Variants in PDLIM5 observed in about 807,000 individuals in gnomAD.
PDLIM5 encodes the protein PDZ and LIM domain 5, also known as PDZ and LIM domain protein 5.
In PDLIM5, 34 loss-of-function variants were observed where a neutral mutation model predicts 64.2. The observed-to-expected ratio is 0.53, with a 90% CI of 0.40 to 0.71. The LOEUF (loss-of-function observed/expected upper bound fraction) is 0.71, where lower values mean the gene tolerates loss of function less well. PDLIM5 is among the 30% of genes least tolerant of loss of function. PDLIM5 has a pLI of 0.00. For synonymous variants in PDLIM5, 253 were observed against 269.1 expected (o/e 0.94, Z 0.59); for missense variants, 683 against 733.6 (o/e 0.93, Z 0.80).
chr4:94,615,883 C>T (rs977034502), intron 7 of PDLIM5, among the ~76,000 whole-genome samples: 6 of 152,156 alleles, frequency 3.9e-5, no homozygotes, highest in Non-Finnish European at 8.8e-5. Flanking sequence ...AGTGAATCTG[C>T]AGGTCAGACA....
chr4:94,537,183 T>C (rs138532704), intron 3 of PDLIM5, among the ~76,000 whole-genome samples: 50 of 152,314 alleles, frequency 3.3e-4, no homozygotes, highest in African/African-American at 1.2e-3. Flanking sequence ...AGGGTTCATT[T>C]CCACATCACA....
chr4:94,625,402 T>C (rs1268268094), intron 8 of PDLIM5, among the ~76,000 whole-genome samples: 2 of 152,122 alleles, frequency 1.3e-5, no homozygotes, highest in South Asian at 2.1e-4. Flanking sequence ...TTAGTTGATA[T>C]GATATTATGG....
At chr4:94,512,823 G>A (rs1163184660) in intron 2 of PDLIM5, among the ~76,000 whole-genome samples, 1 of 152,090 alleles carries the variant, frequency 6.6e-6, no homozygotes, top group Non-Finnish European at 1.5e-5. Flanking sequence ...CAATGTCCTG[G>A]AGAGTTTCTC....
At chr4:94,613,866 T>C (rs1232500737) in intron 7 of PDLIM5, among the ~76,000 whole-genome samples, 2 of 152,062 alleles carry the variant, frequency 1.3e-5, no homozygotes, top group Admixed American at 1.3e-4. Flanking sequence ...TGCTATACTA[T>C]ATTAATACAT....
chr4:94,559,737 T>A (rs1283238790), intron 3 of PDLIM5, among the ~76,000 whole-genome samples: 4 of 152,184 alleles, frequency 2.6e-5, no homozygotes, highest in African/African-American at 9.7e-5. Flanking sequence ...TTGGGTGTGG[T>A]CTATGAATGC....
At chr4:94,506,875 C>T (rs888981280) in intron 2 of PDLIM5, among the ~76,000 whole-genome samples, 2 of 152,108 alleles carry the variant, frequency 1.3e-5, no homozygotes, top group Non-Finnish European at 1.5e-5. Flanking sequence ...CTGCCAGCAC[C>T]GCTAGAACAA....
At position 94,540,132 on chromosome 4, in the gene PDLIM5, C is replaced by CTT. The variant is rs10606217; in HGVS notation, c.248+16272_248+16273dup. On this transcript the variant is annotated intron_variant, in intron 3 of 12. Coordinates refer to ENST00000317968, the MANE Select transcript of PDLIM5 (RefSeq NM_006457.5). ...GTGAGGCATAGATGCTACTATTCTT[C>CTT]TTTTTTTTTTTTTTTTGAGATGGAG... Among the ~76,000 whole-genome samples, 25 of 140,580 alleles carry CTT rather than the reference C, an allele frequency of 1.8e-4. 1 individual carries two copies. The South Asian group carries it at 4.3e-3, about 24-fold the overall frequency. The allele number at this position is 140,580 out of a possible 152,430, so 92.2% of individuals were successfully genotyped here. A position where few individuals can be genotyped will look rare whatever the true frequency, so the allele number is the denominator to read the frequency against.
chr4:94,517,294 C>T (rs1428054588), intron 2 of PDLIM5, among the ~76,000 whole-genome samples: 1 of 152,136 alleles, frequency 6.6e-6, no homozygotes, highest in Non-Finnish European at 1.5e-5. Flanking sequence ...CAAAAAGTCA[C>T]ATAGTCACGT....
intron 2 of PDLIM5, among the ~76,000 whole-genome samples, chr4:94,514,349 T>C (rs1729179180): frequency 6.6e-6 from 1 of 152,036 alleles, no homozygotes; most frequent in South Asian, 2.1e-4. Flanking sequence ...TTAGCCAGGA[T>C]GGTCTCAATC....
chr4:94,583,117 A>AT (rs1248190109), intron 5 of PDLIM5: 2 of 155,380 alleles, frequency 1.3e-5, no homozygotes, highest in Admixed American at 1.3e-4. Flanking sequence ...TCCCAAATGC[A>AT]TTTTTTAAAA....
intron 2 of PDLIM5, among the ~76,000 whole-genome samples, chr4:94,514,425 C>T (rs890166335): frequency 1.3e-5 from 2 of 152,064 alleles, no homozygotes; most frequent in African/African-American, 2.4e-5. Context: ...TGAGCCACTT[C>T]GCCTGGCCTC....
chr4:94,526,619 A>G (rs1013708626), intron 3 of PDLIM5, among the ~76,000 whole-genome samples: 7 of 152,218 alleles, frequency 4.6e-5, no homozygotes, highest in African/African-American at 1.7e-4. Flanking sequence ...AAGGAAAAAA[A>G]TACAACTTTG....
At chr4:94,459,978 C>G (rs1055398168) in intron 2 of PDLIM5, among the ~76,000 whole-genome samples, 2 of 152,204 alleles carry the variant, frequency 1.3e-5, no homozygotes, top group African/African-American at 4.8e-5. Context: ...TTTCAGTCCT[C>G]AAGCTGAAAT....
intron 5 of PDLIM5, chr4:94,577,140 G>T (rs1042900554): frequency 6.6e-6 from 3 of 451,210 alleles, no homozygotes; most frequent in Non-Finnish European, 1.3e-5. Context: ...CAGATTTATT[G>T]TGACAAAAAT....
At chr4:94,552,439 G>A (rs1732891705) in intron 3 of PDLIM5, among the ~76,000 whole-genome samples, 1 of 151,698 alleles carries the variant, frequency 6.6e-6, no homozygotes, top group African/African-American at 2.4e-5. Context: ...ATTATGAAAG[G>A]GATTATATGT....
rs569944852 is a variant in PDLIM5, at chr4:94,613,995, G to C, written c.921-4009G>C. Among the ~76,000 whole-genome samples the C allele has an allele frequency of 2.2e-3, 243 of 112,968 alleles. 1 individual carries two copies. Among genetic ancestry groups the C allele is most frequent in the African/African-American group, 8.3e-3 (225 of 27,242 alleles). 74.1% of individuals were successfully genotyped at this position (112,968 alleles called of 152,430 possible). A position where few individuals can be genotyped will look rare whatever the true frequency, so the allele number is the denominator to read the frequency against. Reference sequence around the variant, plus strand: ...TTTTTTTTTTTTGAGACGGAGTCTTGCTCTTTCACCAGGCTGGAGTGCAGT... The same window carrying C: ...TTTTTTTTTTTTGAGACGGAGTCTTCCTCTTTCACCAGGCTGGAGTGCAGT... On this transcript the variant is annotated intron_variant, in intron 7 of 12. Transcript: ENST00000317968.
At chr4:94,582,639 G>A in intron 5 of PDLIM5, 2 of 835,702 alleles carry the variant, frequency 2.4e-6, no homozygotes, top group East Asian at 5.1e-5. Flanking sequence ...CTCTTTGTCT[G>A]TTGTTCATCT....
chr4:94,506,284 T>C (rs1728389707), intron 2 of PDLIM5, among the ~76,000 whole-genome samples: 1 of 152,228 alleles, frequency 6.6e-6, no homozygotes, highest in African/African-American at 2.4e-5. Context: ...TGATGGTGAT[T>C]GTTTCTCTGA....
intron 2 of PDLIM5, among the ~76,000 whole-genome samples, chr4:94,464,202 A>T (rs868013813): frequency 2.0e-4 from 30 of 152,304 alleles, no homozygotes; most frequent in African/African-American, 6.5e-4. Flanking sequence ...ATTGTTAAAC[A>T]TTTTTTTCCC....
Sources: gnomAD v4.1 joint callset for allele counts (sites outside exome capture counted in the v4.1 genomes callset) on GRCh38, gnomAD v4.1.1 for gene constraint, MANE v1.5 for transcripts, NCBI Gene and HGNC (gene_info 2026-07-23, HGNC 2026-07-21) for gene names.